Variants in IST1 observed in about 807,000 individuals in gnomAD.
IST1 encodes IST1 homolog.
IST1 carries 23 observed loss-of-function variants against 37.0 expected under a neutral mutation model. The observed-to-expected ratio is 0.62, with a 90% CI of 0.45 to 0.88. The LOEUF (loss-of-function observed/expected upper bound fraction) is 0.88. IST1 is among the 40% of genes least tolerant of loss of function. The pLI, the probability that IST1 is intolerant of heterozygous loss-of-function variation, is 0.00. For synonymous variants in IST1, 180 were observed against 161.7 expected (o/e 1.11, Z -0.86); for missense variants, 488 against 445.4 (o/e 1.10, Z -0.86).
chr16:71,907,465 G>A (rs2037251060), intron 1 of IST1, among the ~76,000 whole-genome samples: 1 of 151,970 alleles, frequency 6.6e-6, no homozygotes. Context: ...TTTTAGTAGA[G>A]ACGGGGTTTC....
At chr16:71,920,911 T>C (rs1483185245) in intron 5 of IST1, 89 bp downstream of exon 5, 1 of 927,112 alleles carries the variant, frequency 1.1e-6, no homozygotes, top group Non-Finnish European at 1.8e-6. Context: ...ACCACTGTAT[T>C]GCTCAGTATG....
intron 1 of IST1, among the ~76,000 whole-genome samples, chr16:71,915,045 A>G (rs2037438330): frequency 6.6e-6 from 1 of 152,220 alleles, no homozygotes; most frequent in East Asian, 1.9e-4. Context: ...CCTTTGTGTA[A>G]CCCTGTATGT....
rs1266899869 is a variant in IST1 at position 71,921,384 on chromosome 16, G to C, written c.483G>C (p.Leu161=). The C allele has an allele frequency of 6.2e-7, 1 of 1,613,706 alleles. No homozygotes were observed. Among genetic ancestry groups the C allele is most frequent in the East Asian group, 2.2e-5 (1 of 44,886 alleles). Reference sequence around the variant, plus strand: ...GTGTGGAAGCCCCACCCAAAATCCTGGTGGAGAGATACCTGATTGAAATTG... The same window carrying C: ...GTGTGGAAGCCCCACCCAAAATCCTCGTGGAGAGATACCTGATTGAAATTG... ...KLSVEAPPKI[L]VERYLIEIAK... is the part of the protein sequence containing the mutation. The change falls in exon 6 of 10, where the codon CTG becomes CTC. Residue 161 remains leucine (L), a synonymous_variant. Coordinates refer to ENST00000378799, the MANE Select transcript of IST1 (RefSeq NM_001270975.2).
chr16:71,899,872 A>C (rs2037063035), intron 1 of IST1, among the ~76,000 whole-genome samples: 1 of 151,962 alleles, frequency 6.6e-6, no homozygotes, highest in African/African-American at 2.4e-5. Context: ...AAATATAAAA[A>C]ATTAGCTGGG....
At chr16:71,917,714 A>G (rs900505953) in intron 4 of IST1, among the ~76,000 whole-genome samples, 4 of 150,822 alleles carry the variant, frequency 2.7e-5, no homozygotes, top group Non-Finnish European at 5.9e-5. Context: ...TTCCTAGGAG[A>G]CTGTGTCATT....
rs1271570197 is a variant in IST1 at position 71,930,199 on chromosome 16, G to A, written c.*2386G>A. On this transcript the variant is annotated 3_prime_UTR_variant, in exon 10 of 10. Coordinates refer to ENST00000378799, the MANE Select transcript of IST1 (RefSeq NM_001270975.2). ...AAGCGAAAACCTGGGAAAACAATAA[G>A]AACACTTGCAGTGACTGACAATTTA... The A allele has an allele frequency of 6.5e-7, 1 of 1,536,962 alleles. No homozygotes were observed. The highest frequency in any genetic ancestry group is 8.8e-7 in the Non-Finnish European group (1 of 1,140,992).
At chr16:71,908,544 G>A (rs926842231) in intron 1 of IST1, among the ~76,000 whole-genome samples, 4 of 152,162 alleles carry the variant, frequency 2.6e-5, no homozygotes, top group Non-Finnish European at 4.4e-5. Context: ...GCCTCCCACA[G>A]TGTTGGGATT....
intron 9 of IST1, among the ~76,000 whole-genome samples, chr16:71,926,421 G>C (rs2037745128): frequency 6.6e-6 from 1 of 150,894 alleles, no homozygotes; most frequent in African/African-American, 2.4e-5. Flanking sequence ...TCGGCTCATT[G>C]CAAGCTCCAC....
intron 2 of IST1, among the ~76,000 whole-genome samples, 178 bp downstream of exon 2, chr16:71,915,906 C>T (rs1251514608): frequency 6.6e-6 from 1 of 151,818 alleles, no homozygotes; most frequent in Admixed American, 6.6e-5. Flanking sequence ...TCTCGGCTCA[C>T]TGCAACCTCC....
chr16:71,923,357 G>T lies in IST1; in HGVS notation c.829G>T (p.Ala277Ser). Residue 277 changes from alanine to serine, a missense_variant, in exon 8 of 10, where the codon GCA becomes TCA. Ala to Ser is a moderately conservative substitution (Grantham distance 99). Transcript: ENST00000378799. ...CAATATTCATCCACCTCAGATACCA[G>T]CAACTCCCCCATCGTATGAATCTGT... ...FPNIHPPQIP[A>S]TPPSYESVDD... is the part of the protein sequence containing the mutation. 6.2e-7 allele frequency: 1 copy of T among 1,608,726 alleles called. No individual in the cohort carries two copies.
intron 4 of IST1, among the ~76,000 whole-genome samples, chr16:71,920,154 G>A (rs1025684811): frequency 6.6e-6 from 1 of 152,176 alleles, no homozygotes; most frequent in African/African-American, 2.4e-5. Context: ...AGGAAAAGAG[G>A]AACTTGCTTA....
At chr16:71,907,966 G>GA (rs1180900231) in intron 1 of IST1, among the ~76,000 whole-genome samples, 2 of 151,788 alleles carry the variant, frequency 1.3e-5, no homozygotes, top group Non-Finnish European at 2.9e-5. Context: ...TTTTTTTTGA[G>GA]ACGGAGTCTC....
chr16:71,906,254 C>T (rs887840024), intron 1 of IST1, among the ~76,000 whole-genome samples: 1 of 151,712 alleles, frequency 6.6e-6, no homozygotes, highest in Non-Finnish European at 1.5e-5. Context: ...CCACCCACCT[C>T]AGCCTCCCAA....
At chr16:71,906,002 C>CT (rs35581900) in intron 1 of IST1, among the ~76,000 whole-genome samples, 4,200 of 127,714 alleles carry the variant, frequency 0.033, 93 homozygotes, top group African/African-American at 0.044. Context: ...TTAAGCAATT[C>CT]TTTTTTTTTT....
chr16:71,901,501 C>G (rs1309202638), intron 1 of IST1, among the ~76,000 whole-genome samples: 1 of 152,206 alleles, frequency 6.6e-6, no homozygotes, highest in Non-Finnish European at 1.5e-5. Context: ...GTGTGAGCCA[C>G]CGCGCCCTGC....
intron 1 of IST1, among the ~76,000 whole-genome samples, chr16:71,904,900 T>G: frequency 6.6e-6 from 1 of 152,214 alleles, no homozygotes; most frequent in East Asian, 1.9e-4. Context: ...TTTTTGAATG[T>G]TTGAGTTTAG....
At chr16:71,894,903 G>T (rs758638959), upstream of IST1, 11 of 1,288,368 alleles carry the variant, frequency 8.5e-6, no homozygotes, top group South Asian at 1.4e-4. Context: ...ATAAATTAGG[G>T]AAATCGCCAG....
chr16:71,922,361 C>A (rs556986384), intron 6 of IST1, 113 bp from the exon 7 acceptor site: 12 of 857,658 alleles, frequency 1.4e-5, no homozygotes, highest in Non-Finnish European at 2.1e-5. Context: ...GGTGTTGATC[C>A]CAGAAGCACT....
chr16:71,908,703 C>T (rs1019024928), intron 1 of IST1, among the ~76,000 whole-genome samples: 5 of 152,182 alleles, frequency 3.3e-5, no homozygotes, highest in African/African-American at 7.2e-5. Context: ...TCTATACCAG[C>T]GGTCCCCTTT....
Sources: allele counts gnomAD v4.1 joint callset (sites outside exome capture counted in the v4.1 genomes callset), GRCh38; gene constraint gnomAD v4.1.1; transcripts MANE v1.5; gene names NCBI Gene and HGNC (gene_info 2026-07-23, HGNC 2026-07-21).